Variants in NDUFA10 observed in about 807,000 individuals in gnomAD.
The protein encoded by NDUFA10 is NADH dehydrogenase [ubiquinone] 1 alpha subcomplex subunit 10, mitochondrial.
In NDUFA10, 40 loss-of-function variants were observed where a neutral mutation model predicts 47.8. That is an observed-to-expected ratio of 0.84 (90% confidence interval 0.65 to 1.09). The LOEUF is 1.09. Ranked by LOEUF, NDUFA10 falls within the 50% of genes least tolerant of loss-of-function variation. The pLI is 0.00. For missense variants in NDUFA10, 413 were observed against 451.1 expected (o/e 0.92, Z 0.76); for synonymous variants, 183 against 172.2 (o/e 1.06, Z -0.49).
intron 8 of NDUFA10, among the ~76,000 whole-genome samples, chr2:240,001,930 G>T (rs1223872464): frequency 6.6e-6 from 1 of 152,168 alleles, no homozygotes; most frequent in African/African-American, 2.4e-5. Flanking sequence ...TGTCCACCTG[G>T]AGTAGGCACT....
At position 239,928,680 on chromosome 2, in the gene NDUFA10, T is replaced by A. The variant is rs759272937; in HGVS notation, c.295-33366A>T. Reference sequence around the variant, plus strand: ...AGCTGTCTCCAAGCCCTGCCTCACCTGCTCCAGAGGCACCCAGCCAACCAC... The same window carrying A: ...AGCTGTCTCCAAGCCCTGCCTCACCAGCTCCAGAGGCACCCAGCCAACCAC... On this transcript the variant is annotated intron_variant, in intron 4 of 5. Coordinates refer to the NDUFA10 transcript ENST00000419408. This position sits in a 1 kb window ranked among gnomAD's most constrained non-coding sequence, Gnocchi z 4.3. Among the ~76,000 whole-genome samples, 1 of 152,184 alleles carries A rather than the reference T, an allele frequency of 6.6e-6. No homozygotes were observed. Among genetic ancestry groups the A allele is most frequent in the Non-Finnish European group, 1.5e-5 (1 of 68,036 alleles).
chr2:239,935,090 A>G (rs1208457015), intron 4 of NDUFA10, among the ~76,000 whole-genome samples: 2 of 152,154 alleles, frequency 1.3e-5, no homozygotes, highest in African/African-American at 4.8e-5. Context: ...TCTGGTCCGA[A>G]ATAGCACCTG....
In NDUFA10 at chr2:239,945,153, C is replaced by T. The variant is rs7598582; in HGVS notation, c.294+44921G>A. On this transcript the variant is annotated intron_variant, in intron 4 of 5. Coordinates refer to the NDUFA10 transcript ENST00000419408. The surrounding 1 kb of genome is among the most constrained non-coding windows in gnomAD (Gnocchi z 4.6). ...GTGTACAGCCATCAGAGCCCCGGCA[C>T]CCCTCCCGCAGGAGGGCCTGACTGG... Among the ~76,000 whole-genome samples, 4,057 of 152,246 alleles carry T rather than the reference C, an allele frequency of 0.027. 182 individuals carry two copies. The highest frequency in any genetic ancestry group is 0.089 in the African/African-American group (3,716 of 41,540).
chr2:239,976,675 G>C (rs1159039892), intron 9 of NDUFA10: 1 of 152,276 alleles, frequency 6.6e-6, no homozygotes, highest in African/African-American at 2.4e-5. Flanking sequence ...AATGCACAGG[G>C]AAGGTGGAGC....
intron 4 of NDUFA10, among the ~76,000 whole-genome samples, chr2:239,900,309 C>T (rs1298470638): frequency 3.1e-5 from 3 of 97,124 alleles, no homozygotes; most frequent in Non-Finnish European, 6.4e-5. Context: ...TTAATGAACT[C>T]CCCTTCATAT....
chr2:240,024,183 G>A (rs1446784512), intron 1 of NDUFA10, among the ~76,000 whole-genome samples: 1 of 152,234 alleles, frequency 6.6e-6, no homozygotes, highest in Non-Finnish European at 1.5e-5. Flanking sequence ...CACGATTACA[G>A]CAGCTTTATT....
intron 5 of NDUFA10, chr2:240,012,758 A>G (rs1697191173): frequency 6.6e-6 from 1 of 152,264 alleles, no homozygotes; most frequent in Non-Finnish European, 1.5e-5. Context: ...CAGGGAAAGG[A>G]TGATACAGGC....
chr2:239,923,931 C>T (rs762174824), intron 4 of NDUFA10, among the ~76,000 whole-genome samples: 1 of 151,946 alleles, frequency 6.6e-6, no homozygotes, highest in Non-Finnish European at 1.5e-5. Flanking sequence ...TACTACAGAC[C>T]CTGCAGCCAT....
chr2:240,000,710 G>A (rs896480009), intron 8 of NDUFA10, among the ~76,000 whole-genome samples: 2 of 152,106 alleles, frequency 1.3e-5, no homozygotes, highest in African/African-American at 2.4e-5. Context: ...CCAGACGGGT[G>A]GACCATTTTC....
At chr2:239,955,506 T>C (rs930527837), downstream of NDUFA10, among the ~76,000 whole-genome samples, 3 of 152,180 alleles carry the variant, frequency 2.0e-5, no homozygotes, top group Non-Finnish European at 4.4e-5. Context: ...AGTTGCTCAG[T>C]GGTCCAGACC....
intron 4 of NDUFA10, among the ~76,000 whole-genome samples, chr2:239,950,571 G>A (rs949821294): frequency 2.0e-5 from 3 of 152,198 alleles, no homozygotes; most frequent in Non-Finnish European, 4.4e-5. Flanking sequence ...CCCCACACAC[G>A]GATGAGAGCT....
downstream of NDUFA10, among the ~76,000 whole-genome samples, chr2:239,954,842 G>A (rs1429906959): frequency 6.6e-6 from 1 of 152,050 alleles, no homozygotes; most frequent in East Asian, 1.9e-4. Flanking sequence ...GGTTGCCAAT[G>A]TTGGCGACAC....
At chr2:239,944,570 A>G (rs1312834528) in intron 4 of NDUFA10, among the ~76,000 whole-genome samples, 1 of 152,198 alleles carries the variant, frequency 6.6e-6, no homozygotes, top group East Asian at 1.9e-4. Flanking sequence ...CATCTGTTTG[A>G]AAGTGATTTT....
chr2:239,909,088 C>T (rs1693703527), intron 4 of NDUFA10, among the ~76,000 whole-genome samples: 1 of 152,170 alleles, frequency 6.6e-6, no homozygotes, highest in Admixed American at 6.5e-5. Context: ...TCCAGCGCCT[C>T]CCAAAGAAAT....
chr2:240,016,983 G>C lies in NDUFA10; in HGVS notation c.547+1570C>G, dbSNP rs1697376275. On this transcript the variant is annotated intron_variant, in intron 4 of 9. Transcript: ENST00000252711. This position sits in a 1 kb window ranked among gnomAD's most constrained non-coding sequence, Gnocchi z 4.4. ...CACGCCACTCCCCACTGTGCACACAGGAAACCACCCACCCAGGCCTGCCCA... is the reference window on the plus strand; with the variant it reads ...CACGCCACTCCCCACTGTGCACACACGAAACCACCCACCCAGGCCTGCCCA... Among the ~76,000 whole-genome samples, 1 of 152,086 alleles carries C rather than the reference G, an allele frequency of 6.6e-6. No homozygotes were observed. Among genetic ancestry groups the C allele is most frequent in the Non-Finnish European group, 1.5e-5 (1 of 68,010 alleles).
At chr2:239,895,022 A>G (rs905188154) in intron 5 of NDUFA10, among the ~76,000 whole-genome samples, 1 of 152,056 alleles carries the variant, frequency 6.6e-6, no homozygotes, top group African/African-American at 2.4e-5. Flanking sequence ...CCCAGAACCC[A>G]GTTTCCCAGT....
intron 4 of NDUFA10, chr2:240,017,886 C>T: frequency 6.4e-7 from 1 of 1,569,158 alleles, no homozygotes; most frequent in Non-Finnish European, 8.6e-7. Flanking sequence ...CAGCTTTCCA[C>T]TGGCTCCAGC....
In NDUFA10 at chr2:239,988,566, G is replaced by C. The variant is rs76940569; in HGVS notation, c.999+1508C>G. On this transcript the variant is annotated intron_variant, in intron 9 of 9. Transcript: ENST00000252711. ...TGAGGGCAGAGACTAAACCCAAGGA[G>C]ACCAAGAGGAAGCCGCCGAACAAGC... Among the ~76,000 whole-genome samples the C allele has an allele frequency of 3.0e-3, 454 of 152,306 alleles. 12 individuals carry two copies. The East Asian group carries it at 0.043, about 14-fold the overall frequency.
intron 4 of NDUFA10, among the ~76,000 whole-genome samples, chr2:240,017,208 C>G (rs770497802): frequency 2.6e-5 from 4 of 152,192 alleles, no homozygotes; most frequent in Non-Finnish European, 4.4e-5. Context: ...CTCCAGTGGT[C>G]CCTCACTAGT....
Sources: allele counts gnomAD v4.1 joint callset (sites outside exome capture counted in the v4.1 genomes callset), GRCh38; gene constraint gnomAD v4.1.1; non-coding constraint Gnocchi (gnomAD v3.1); transcripts MANE v1.5; gene names NCBI Gene and HGNC (gene_info 2026-07-23, HGNC 2026-07-21).